PPAT: variants seen among roughly 807,000 people sequenced by gnomAD.
The protein encoded by PPAT is amidophosphoribosyltransferase.
PPAT carries 20 observed loss-of-function variants against 60.2 expected under a neutral mutation model. The ratio of observed to expected loss-of-function variants is 0.33; its 90% CI spans 0.23 to 0.48. The LOEUF is 0.48. PPAT is among the 20% of genes least tolerant of loss of function. The probability of loss-of-function intolerance (pLI) is 0.99; values close to 1 mark genes in which losing one functional copy is unlikely to be tolerated. For synonymous variants in PPAT, 194 were observed against 215.1 expected (o/e 0.90, Z 0.86); for missense variants, 349 against 629.6 (o/e 0.55, Z 4.77).
chr4:56,396,493 T>C lies in PPAT; in HGVS notation c.1357+126A>G. On this transcript the variant is annotated intron_variant, in intron 10 of 10. Coordinates refer to ENST00000264220, the MANE Select transcript of PPAT (RefSeq NM_002703.5). This position sits in a 1 kb window ranked among gnomAD's most constrained non-coding sequence, Gnocchi z 4.6. ...TCACTGTTGAGAATAGTATTCAATA[T>C]CTGTTTAACATATATAACTACTTTT... 1 of 925,858 alleles carries C rather than the reference T, an allele frequency of 1.1e-6. No individual in the cohort carries two copies. The highest frequency in any genetic ancestry group is 1.6e-6 in the Non-Finnish European group (1 of 635,614). 57.4% of individuals were successfully genotyped at this position (925,858 alleles called of 1,614,324 possible).
chr4:56,421,626 G>A (rs1182479503), intron 1 of PPAT: 1 of 152,210 alleles, frequency 6.6e-6, no homozygotes, highest in African/African-American at 2.4e-5. Context: ...CTGCGTCTAG[G>A]GAAGAGAGGG....
At chr4:56,418,256 TCTCTC>T (rs1716871854) in intron 1 of PPAT, among the ~76,000 whole-genome samples, 1 of 152,196 alleles carries the variant, frequency 6.6e-6, no homozygotes, top group Admixed American at 6.5e-5. Flanking sequence ...TGAGCAGTGG[TCTCTC>T]CACTACACTC....
chr4:56,417,293 G>GA (rs997043151), intron 1 of PPAT, among the ~76,000 whole-genome samples: 5 of 149,180 alleles, frequency 3.4e-5, no homozygotes, highest in African/African-American at 7.4e-5. Context: ...ACCTAAATAA[G>GA]AAAAAAAATT....
rs913057204 is a variant in PPAT, at chr4:56,394,011, TAATA to T, written c.*1337_*1340del. On this transcript the variant is annotated 3_prime_UTR_variant, in exon 11 of 11. Coordinates refer to ENST00000264220, the MANE Select transcript of PPAT (RefSeq NM_002703.5). ...AAGGAAGACAAACAGTTTCAGTTAT[TAATA>T]AATATTAAATTTCTAAATGGATCTG... 2.0e-5 allele frequency: 3 copies of T among 152,206 alleles called. No individual in the cohort carries two copies. Among genetic ancestry groups the T allele is most frequent in the African/African-American group, 7.2e-5 (3 of 41,456 alleles). The allele number at this position is 152,206 out of a possible 1,614,324, so 9.4% of individuals were successfully genotyped here.
intron 1 of PPAT, among the ~76,000 whole-genome samples, chr4:56,417,578 C>T (rs1560645538): frequency 6.6e-6 from 1 of 151,990 alleles, no homozygotes. Context: ...ACCAGGAGTT[C>T]GAGACTAGCC....
At chr4:56,401,965 C>G in intron 6 of PPAT, 144 bp downstream of exon 6, 1 of 592,916 alleles carries the variant, frequency 1.7e-6, no homozygotes, top group South Asian at 2.7e-5. Flanking sequence ...CTGAGCATAA[C>G]ATGCATAAGA....
intron 1 of PPAT, among the ~76,000 whole-genome samples, chr4:56,423,833 G>A (rs1315827171): frequency 6.6e-6 from 1 of 151,914 alleles, no homozygotes; most frequent in African/African-American, 2.4e-5. Context: ...AGCTAAATAC[G>A]TAAGAAAAAA....
In PPAT at chr4:56,407,674, C is replaced by T. The variant is rs11538098; in HGVS notation, c.171G>A (p.Ser57=). Residue 57 remains serine (S), a synonymous_variant, in exon 2 of 11, where the codon TCG becomes TCA. Transcript: ENST00000264220. ...SAGIVTSDGS[S]VPTFKSHKGM... ...CCTTGTGTGATTTGAATGTTGGCAC[C>T]GAACTCCCATCACTAGTCACAATAC... is the stretch of plus-strand genomic sequence containing the variant. 6.9e-6 allele frequency: 11 copies of T among 1,603,648 alleles called. 1 individual carries two copies. The highest frequency in any genetic ancestry group is 4.5e-5 in the East Asian group (2 of 44,852).
At chr4:56,398,097 G>A (rs1716024746) in intron 9 of PPAT, among the ~76,000 whole-genome samples, 2 of 152,056 alleles carry the variant, frequency 1.3e-5, no homozygotes, top group South Asian at 2.1e-4. Context: ...GGCCGGGCAC[G>A]ATGGCTCACG....
intron 1 of PPAT, among the ~76,000 whole-genome samples, chr4:56,427,046 T>G (rs1560649822): frequency 6.6e-6 from 1 of 152,250 alleles, no homozygotes; most frequent in Non-Finnish European, 1.5e-5. Flanking sequence ...TCTTTAGGGC[T>G]CCTCCATGTT....
At position 56,406,687 on chromosome 4, in the gene PPAT, T is replaced by C; in HGVS notation, c.210A>G (p.Val70=). The part of the protein sequence containing the change: ...TFKSHKGMGL[V]NHVFTEDNLK... ...AATTGTCTTCAGTAAAGACGTGATT[T>C]ACAAGACCCATTCCCTTGAGAAATC... The change falls in exon 3 of 11, where the codon GTA becomes GTG. Residue 70 remains valine, a synonymous_variant. Coordinates refer to ENST00000264220, the MANE Select transcript of PPAT (RefSeq NM_002703.5). 1 of 1,609,410 alleles carries C rather than the reference T, an allele frequency of 6.2e-7. No homozygotes were observed. The highest frequency in any genetic ancestry group is 8.5e-7 in the Non-Finnish European group (1 of 1,175,954).
rs982189327 is a variant in PPAT at position 56,394,049 on chromosome 4, A to G, written c.*1303T>C. On this transcript the variant is annotated 3_prime_UTR_variant, in exon 11 of 11. Coordinates refer to ENST00000264220, the MANE Select transcript of PPAT (RefSeq NM_002703.5). ...ATTTCTAAATGGATCTGGACACTAT[A>G]TACATCAAATTATGGTAACATAACA... is the stretch of plus-strand genomic sequence containing the variant. 3 of 152,246 alleles carry G rather than the reference A, an allele frequency of 2.0e-5. No individual in the cohort carries two copies. Among genetic ancestry groups the G allele is most frequent in the Admixed American group, 1.3e-4 (2 of 15,288 alleles). 9.4% of individuals were successfully genotyped at this position (152,246 alleles called of 1,614,324 possible).
In PPAT at chr4:56,399,271, C is replaced by T. The variant is rs1237720229; in HGVS notation, c.1144G>A (p.Gly382Ser). The T allele has an allele frequency of 6.2e-7, 1 of 1,613,856 alleles. No homozygotes were observed. The highest frequency in any genetic ancestry group is 8.5e-7 in the Non-Finnish European group (1 of 1,179,928). The change falls in exon 9 of 11, where the codon GGC (glycine) becomes AGC (serine). Residue 382 changes from glycine (G) to serine (S), a missense_variant. Coordinates refer to ENST00000264220, the MANE Select transcript of PPAT (RefSeq NM_002703.5). ...KFGVLSDNFK[G>S]KRIVLVDDSI... Reference sequence around the variant, plus strand: ...TCATCTACAAGAACAATTCTTTTGCCTTTAAAGTTGTCTGACAATACTCCA... The same window carrying T: ...TCATCTACAAGAACAATTCTTTTGCTTTTAAAGTTGTCTGACAATACTCCA...
intron 1 of PPAT, among the ~76,000 whole-genome samples, chr4:56,434,165 T>C (rs1653676253): frequency 6.6e-6 from 1 of 152,194 alleles, no homozygotes; most frequent in Admixed American, 6.5e-5. Flanking sequence ...AAGTTAAAAA[T>C]ATTCTTTTTG....
chr4:56,403,738 G>C (rs1429860160), intron 3 of PPAT, among the ~76,000 whole-genome samples: 2 of 152,176 alleles, frequency 1.3e-5, no homozygotes, highest in African/African-American at 4.8e-5. Flanking sequence ...CCCTGAGCTT[G>C]TTTTCCTGCA....
chr4:56,406,802 G>T, intron 2 of PPAT, 101 bp from the exon 3 acceptor site: 1 of 800,040 alleles, frequency 1.2e-6, no homozygotes, highest in Non-Finnish European at 2.0e-6. Context: ...AGACAAAGAA[G>T]TACATTTAAT....
At chr4:56,399,088 C>A in intron 9 of PPAT, 91 bp downstream of exon 9, 1 of 1,071,212 alleles carries the variant, frequency 9.3e-7, no homozygotes, top group Non-Finnish European at 1.4e-6. Context: ...TTATATTGAA[C>A]ATCCATTTTG....
Position 56,395,282 on chromosome 4 carries a change from A to G in PPAT, c.*70T>C. 1.6e-6 allele frequency: 2 copies of G among 1,265,852 alleles called. No homozygotes were observed. Among genetic ancestry groups the G allele is most frequent in the South Asian group, 2.7e-5 (2 of 73,158 alleles). 78.4% of individuals were successfully genotyped at this position (1,265,852 alleles called of 1,614,324 possible). ...GTACCAACTGAGTAACAGTAAATAGATGAGGTGTGACCACTATAACTTCTT... is the reference window on the plus strand; with the variant it reads ...GTACCAACTGAGTAACAGTAAATAGGTGAGGTGTGACCACTATAACTTCTT... On this transcript the variant is annotated 3_prime_UTR_variant, in exon 11 of 11. Transcript: ENST00000264220.
chr4:56,410,686 A>G, intron 1 of PPAT: 2 of 986,716 alleles, frequency 2.0e-6, no homozygotes, highest in Non-Finnish European at 2.4e-6. Context: ...GAGACTGGAA[A>G]CAGTGCTGGG....
Sources: gnomAD v4.1 joint callset for allele counts (sites outside exome capture counted in the v4.1 genomes callset) on GRCh38, gnomAD v4.1.1 for gene constraint, Gnocchi (gnomAD v3.1) non-coding constraint, MANE v1.5 for transcripts, NCBI Gene and HGNC (gene_info 2026-07-23, HGNC 2026-07-21) for gene names.